The following FRY variants were observed in gnomAD, a reference collection of about 807,000 sequenced individuals.
FRY encodes FRY microtubule binding protein.
Under a neutral mutation model 348.4 loss-of-function variants are expected in FRY, and 128 were observed. The ratio of observed to expected loss-of-function variants is 0.37; its 90% CI spans 0.32 to 0.43. FRY has a LOEUF of 0.43. Ranked by LOEUF, FRY falls within the 20% of genes least tolerant of loss-of-function variation. FRY has a pLI of 1.00. For synonymous variants in FRY, 1,370 were observed against 1,374.7 expected (o/e 1.00, Z 0.08); for missense variants, 2,736 against 3,695.2 (o/e 0.74, Z 6.73).
chr13:32,147,985 G>C, intron 13 of FRY, 38 bp downstream of exon 13: 1 of 1,157,918 alleles, frequency 8.6e-7, no homozygotes, highest in South Asian at 1.2e-5. Context: ...ATCTTCTGAT[G>C]GTTTTTCAGC....
intron 39 of FRY, 29 bp from the exon 40 acceptor site, chr13:32,228,427 A>C (rs1208644138): frequency 9.0e-6 from 14 of 1,551,352 alleles, no homozygotes; most frequent in Non-Finnish European, 1.2e-5. Flanking sequence ...TGCCTAGTAC[A>C]TCCCTCCTTG....
At chr13:32,149,343 GA>G (rs1433360969) in intron 13 of FRY, among the ~76,000 whole-genome samples, 1 of 151,630 alleles carries the variant, frequency 6.6e-6, no homozygotes, top group Non-Finnish European at 1.5e-5. Context: ...TTAGAGAATA[GA>G]AAAAAATGAT....
intron 38 of FRY, 94 bp from the exon 39 acceptor site, chr13:32,225,695 A>G: frequency 1.0e-6 from 1 of 979,176 alleles, no homozygotes; most frequent in Non-Finnish European, 1.7e-6. Context: ...TTCTTTTAAC[A>G]TGTTCCTCCT....
chr13:32,184,161 A>T (rs1882882876), intron 24 of FRY, among the ~76,000 whole-genome samples: 1 of 152,210 alleles, frequency 6.6e-6, no homozygotes, highest in African/African-American at 2.4e-5. Flanking sequence ...CCTGGGTGAC[A>T]TGGTGAAATC....
chr13:32,211,916 G>A (rs1270447614), intron 34 of FRY, among the ~76,000 whole-genome samples: 1 of 152,130 alleles, frequency 6.6e-6, no homozygotes, highest in Non-Finnish European at 1.5e-5. Context: ...GAAGTGCTAG[G>A]TGCTTGGCCT....
chr13:32,125,827 A>G lies in FRY; in HGVS notation c.716+952A>G, dbSNP rs74046740. On this transcript the variant is annotated intron_variant, in intron 7 of 60. Coordinates refer to ENST00000542859, the MANE Select transcript of FRY (RefSeq NM_023037.3). The stretch of plus-strand genomic sequence containing the variant: ...ACTCATCCTGACTATATTTTTTTTA[A>G]TATATAACACATCAGTGTTCGAAGG... Among the ~76,000 whole-genome samples the G allele has an allele frequency of 8.8e-3, 1,343 of 152,248 alleles. 21 individuals are homozygous for G. Among genetic ancestry groups the G allele is most frequent in the African/African-American group, 0.031 (1,272 of 41,534 alleles).
intron 46 of FRY, among the ~76,000 whole-genome samples, chr13:32,242,292 T>C (rs1324139596): frequency 6.6e-6 from 1 of 152,226 alleles, no homozygotes; most frequent in Non-Finnish European, 1.5e-5. Context: ...GGGTATGTTA[T>C]TTAGTTCTTC....
At chr13:32,260,761 C>T (rs1219216153) in intron 51 of FRY, among the ~76,000 whole-genome samples, 1 of 151,518 alleles carries the variant, frequency 6.6e-6, no homozygotes, top group Non-Finnish European at 1.5e-5. Context: ...TGGAGGTTGC[C>T]GCAAGCTGAG....
Position 32,124,670 on chromosome 13 carries a change from A to C in FRY, c.624A>C (p.Lys208Asn). ...DVINLAFKHF[K>N]YKEGYLGPNT... ...TTAACTTGGCTTTCAAGCACTTTAA[A>C]TACAAAGAAGGGTAAGATGATTTCT... is the stretch of plus-strand genomic sequence containing the variant. The change falls in exon 6 of 61, where the codon AAA (lysine) becomes AAC (asparagine). Residue 208 changes from lysine (K) to asparagine (N), a missense_variant. By Grantham distance (94) the Lys-to-Asn change is moderately conservative. Around this residue, in one of 9 missense-constraint regions of FRY, gnomAD observed 309 missense variants for 418.1 expected, o/e 0.74. Transcript: ENST00000542859. The C allele has an allele frequency of 6.3e-7, 1 of 1,574,906 alleles. No homozygotes were observed.
At chr13:32,270,322 C>T (rs555985461) in intron 55 of FRY, among the ~76,000 whole-genome samples, 1 of 151,964 alleles carries the variant, frequency 6.6e-6, no homozygotes, top group East Asian at 1.9e-4. Context: ...ATTCTCCTGC[C>T]GCAGCCTCCC....
intron 2 of FRY, among the ~76,000 whole-genome samples, chr13:32,097,126 C>G (rs1024467544): frequency 2.6e-5 from 4 of 152,086 alleles, no homozygotes; most frequent in Non-Finnish European, 5.9e-5. Flanking sequence ...TGGGTGGACA[C>G]AGTCACCTTT....
At chr13:32,265,847 A>T (rs1052145371) in intron 54 of FRY, among the ~76,000 whole-genome samples, 1 of 152,232 alleles carries the variant, frequency 6.6e-6, no homozygotes, top group Admixed American at 6.5e-5. Context: ...AAGGCCAGAA[A>T]GCAACGTAAA....
chr13:32,239,604 G>A lies in FRY; in HGVS notation c.6517-107G>A. On this transcript the variant is annotated intron_variant, in intron 45 of 60. Coordinates refer to ENST00000542859, the MANE Select transcript of FRY (RefSeq NM_023037.3). This position sits in a 1 kb window ranked among gnomAD's most constrained non-coding sequence, Gnocchi z 4.3. ...AAGTATTTCCTGTAATTACCAAAAA[G>A]TGTATCAATCTACTTTCCAGATGGC... The A allele has an allele frequency of 1.2e-6, 1 of 810,116 alleles. No individual in the cohort carries two copies. The highest frequency in any genetic ancestry group is 2.0e-5 in the Admixed American group (1 of 48,984). The allele number at this position is 810,116 out of a possible 1,614,324, so 50.2% of individuals were successfully genotyped here.
rs74044963 is a variant in FRY at position 32,262,531 on chromosome 13, A to C, written c.7779+56A>C. The C allele has an allele frequency of 5.5e-4, 749 of 1,364,434 alleles. 3 individuals carry two copies. In the African/African-American group the frequency reaches 9.4e-3, roughly 17 times the overall value. 84.5% of individuals were successfully genotyped at this position (1,364,434 alleles called of 1,614,324 possible). A position where few individuals can be genotyped will look rare whatever the true frequency, so the allele number is the denominator to read the frequency against. Reference sequence around the variant, plus strand: ...CTTCCCTTAAAACCCTTAAAAAAAAACACTTCCAATTTTCTGAGAATTCTT... The same window carrying C: ...CTTCCCTTAAAACCCTTAAAAAAAACCACTTCCAATTTTCTGAGAATTCTT... On this transcript the variant is annotated intron_variant, in intron 53 of 60. Coordinates refer to ENST00000542859, the MANE Select transcript of FRY (RefSeq NM_023037.3).
intron 54 of FRY, 131 bp downstream of exon 54, chr13:32,265,747 C>A: frequency 1.1e-6 from 1 of 895,734 alleles, no homozygotes; most frequent in Non-Finnish European, 1.8e-6. Context: ...TGACATATAT[C>A]ATGGCAGGCT....
intron 1 of FRY, among the ~76,000 whole-genome samples, chr13:32,039,126 A>G (rs1872657287): frequency 6.6e-6 from 1 of 152,150 alleles, no homozygotes; most frequent in African/African-American, 2.4e-5. Flanking sequence ...AACTTTATGG[A>G]TTTGTACTTT....
intron 55 of FRY, among the ~76,000 whole-genome samples, chr13:32,273,310 C>CT (rs1284138678): frequency 2.6e-5 from 4 of 151,640 alleles, no homozygotes; most frequent in African/African-American, 7.3e-5. Context: ...CAGGCTCCGC[C>CT]CCCTGGGGTT....
At chr13:32,154,973 T>A (rs547615509) in intron 14 of FRY, among the ~76,000 whole-genome samples, 3 of 152,210 alleles carry the variant, frequency 2.0e-5, no homozygotes, top group Non-Finnish European at 4.4e-5. Context: ...TCTGTGGCAT[T>A]GAATTTTTAA....
intron 41 of FRY, 30 bp from the exon 42 acceptor site, chr13:32,234,544 T>C: frequency 3.7e-6 from 6 of 1,600,876 alleles, no homozygotes; most frequent in Non-Finnish European, 5.1e-6. Context: ...GAGTAGAGAC[T>C]GACCTATTCT....
Sources: gnomAD v4.1 joint callset for allele counts (sites outside exome capture counted in the v4.1 genomes callset) on GRCh38, gnomAD v4.1.1 for gene constraint, gnomAD v4.1.1 regional missense constraint, Gnocchi (gnomAD v3.1) non-coding constraint, MANE v1.5 for transcripts, NCBI Gene and HGNC (gene_info 2026-07-23, HGNC 2026-07-21) for gene names.